Variants in ADGRB3 observed in about 807,000 individuals in gnomAD.
ADGRB3 encodes the protein brain-specific angiogenesis inhibitor 3.
A neutral mutation model predicts 193.4 loss-of-function variants in ADGRB3; 37 were observed. That is an observed-to-expected ratio of 0.19 (90% CI 0.15 to 0.25). The LOEUF is 0.25. ADGRB3 is among the 10% of genes least tolerant of loss of function. The pLI is 1.00. For missense variants in ADGRB3, 1,637 were observed against 1,852.9 expected, an observed-to-expected ratio of 0.88 and a Z score of 2.14; for synonymous variants, 690 against 644.2, an observed-to-expected ratio of 1.07 and a Z score of -1.08.
At chr6:69,036,779 G>A (rs1251727717) in intron 13 of ADGRB3, among the ~76,000 whole-genome samples, 1 of 152,160 alleles carries the variant, frequency 6.6e-6, no homozygotes, top group East Asian at 1.9e-4. Flanking sequence ...AAACAAGACA[G>A]CCATGCATAA....
chr6:69,076,805 A>T (rs1003175257), intron 17 of ADGRB3, among the ~76,000 whole-genome samples: 2 of 151,980 alleles, frequency 1.3e-5, no homozygotes, highest in African/African-American at 2.4e-5. Flanking sequence ...TCAATCCCAA[A>T]AGTAATCCCA....
At chr6:69,288,810 T>G (rs1426160965) in intron 20 of ADGRB3, among the ~76,000 whole-genome samples, 1 of 152,156 alleles carries the variant, frequency 6.6e-6, no homozygotes, top group Admixed American at 6.6e-5. Context: ...AATCTCTCTG[T>G]GTGGAATGGT....
At chr6:68,638,170 G>C (rs575859342) in intron 2 of ADGRB3, among the ~76,000 whole-genome samples, 1 of 152,322 alleles carries the variant, frequency 6.6e-6, no homozygotes, top group East Asian at 1.9e-4. Context: ...TCACGTTTAA[G>C]AGGAGAGAAA....
At chr6:69,108,195 G>A (rs908102969) in intron 17 of ADGRB3, among the ~76,000 whole-genome samples, 1 of 116,340 alleles carries the variant, frequency 8.6e-6, no homozygotes, top group Non-Finnish European at 1.8e-5. Context: ...ATTTGGCCAC[G>A]AGACTTCTTC....
intron 26 of ADGRB3, among the ~76,000 whole-genome samples, chr6:69,340,373 C>T (rs972849696): frequency 6.6e-6 from 1 of 152,116 alleles, no homozygotes; most frequent in Non-Finnish European, 1.5e-5. Context: ...AGCATTTACT[C>T]TAGGGATGAC....
intron 3 of ADGRB3, among the ~76,000 whole-genome samples, chr6:68,905,189 A>C (rs965304072): frequency 1.6e-4 from 24 of 152,164 alleles, no homozygotes; most frequent in African/African-American, 5.5e-4. Context: ...AGTCCCCAAA[A>C]GTATATCCAA....
chr6:69,133,133 T>A (rs965630892), intron 17 of ADGRB3, among the ~76,000 whole-genome samples: 13 of 152,158 alleles, frequency 8.5e-5, no homozygotes, highest in Non-Finnish European at 1.3e-4. Context: ...CCATATGAAA[T>A]TTAAAGTAGT....
At chr6:69,060,192 C>T (rs988351921) in intron 15 of ADGRB3, among the ~76,000 whole-genome samples, 1 of 144,346 alleles carries the variant, frequency 6.9e-6, no homozygotes, top group Non-Finnish European at 1.5e-5. Flanking sequence ...TTCTTTCTCT[C>T]TCTCTCTTTC....
chr6:69,006,855 CTCT>C (rs1186206761), intron 11 of ADGRB3, among the ~76,000 whole-genome samples: 2 of 151,750 alleles, frequency 1.3e-5, no homozygotes, highest in South Asian at 4.1e-4. Flanking sequence ...TTATTTATTT[CTCT>C]TCTTATGAAT....
intron 10 of ADGRB3, among the ~76,000 whole-genome samples, chr6:68,989,639 A>G (rs1268631046): frequency 6.6e-6 from 1 of 152,186 alleles, no homozygotes; most frequent in Non-Finnish European, 1.5e-5. Flanking sequence ...AGATAAATGA[A>G]ATAATCCTAG....
At chr6:69,230,752 AC>A (rs541532684) in intron 17 of ADGRB3, among the ~76,000 whole-genome samples, 69 of 152,078 alleles carry the variant, frequency 4.5e-4, no homozygotes, top group Non-Finnish European at 8.1e-4. Context: ...GTGGTTACCC[AC>A]CCCCCTCCTC....
chr6:68,845,429 G>A (rs1768254557), intron 3 of ADGRB3, among the ~76,000 whole-genome samples: 1 of 152,066 alleles, frequency 6.6e-6, no homozygotes, highest in African/African-American at 2.4e-5. Context: ...CAGCCCTGGG[G>A]AAATGCTGAT....
chr6:69,128,611 A>G (rs895134851), intron 17 of ADGRB3, among the ~76,000 whole-genome samples: 1 of 152,184 alleles, frequency 6.6e-6, no homozygotes, highest in Non-Finnish European at 1.5e-5. Context: ...ATCCAGGCTC[A>G]AAGCCAAGCA....
chr6:68,807,503 G>A (rs1014034514), intron 3 of ADGRB3, among the ~76,000 whole-genome samples: 3 of 151,886 alleles, frequency 2.0e-5, no homozygotes, highest in South Asian at 4.1e-4. Context: ...GCCTCCCAAA[G>A]TGCTGAGATT....
chr6:68,806,160 G>T (rs1257487149), intron 3 of ADGRB3, among the ~76,000 whole-genome samples: 1 of 152,048 alleles, frequency 6.6e-6, no homozygotes, highest in Non-Finnish European at 1.5e-5. Context: ...TGATTAAGAT[G>T]GTTTGATAAT....
intron 16 of ADGRB3, among the ~76,000 whole-genome samples, chr6:69,068,566 G>C (rs946598502): frequency 6.6e-6 from 1 of 152,122 alleles, no homozygotes; most frequent in Non-Finnish European, 1.5e-5. Context: ...ATATGTGGAG[G>C]CAATGATTTT....
intron 20 of ADGRB3, among the ~76,000 whole-genome samples, chr6:69,308,168 T>G (rs922060942): frequency 7.3e-5 from 11 of 151,472 alleles, no homozygotes; most frequent in African/African-American, 2.7e-4. Flanking sequence ...TAAATCAAAC[T>G]GCGTGAGTTT....
intron 3 of ADGRB3, among the ~76,000 whole-genome samples, chr6:68,685,886 C>G (rs1284313377): frequency 6.6e-6 from 1 of 152,164 alleles, no homozygotes; most frequent in Non-Finnish European, 1.5e-5. Context: ...GAGCGAGACT[C>G]TGTCTCAAAA....
intron 17 of ADGRB3, among the ~76,000 whole-genome samples, chr6:69,157,031 T>A (rs1006696770): frequency 6.6e-6 from 1 of 152,160 alleles, no homozygotes; most frequent in Middle Eastern, 3.2e-3. Context: ...AGCAGAATGG[T>A]GAAGGCATCC....
Sources: allele counts gnomAD v4.1 joint callset (sites outside exome capture counted in the v4.1 genomes callset), GRCh38; gene constraint gnomAD v4.1.1; transcripts MANE v1.5; gene names NCBI Gene and HGNC (gene_info 2026-07-23, HGNC 2026-07-21).